CALD1: variants seen among roughly 807,000 people sequenced by gnomAD.
CALD1 encodes the protein caldesmon.
Under a neutral mutation model 99.9 loss-of-function variants are expected in CALD1, and 33 were observed. The ratio of observed to expected loss-of-function variants is 0.33; its 90% confidence interval spans 0.25 to 0.44. CALD1 has a LOEUF of 0.44. Ranked by LOEUF, CALD1 falls within the 20% of genes least tolerant of loss-of-function variation. The pLI, the probability that CALD1 is intolerant of heterozygous loss-of-function variation, is 1.00. For synonymous variants in CALD1, 310 were observed against 325.0 expected (o/e 0.95, Z 0.50); for missense variants, 861 against 962.1 (o/e 0.89, Z 1.39).
At chr7:134,913,863 A>C (rs1804006287) in intron 3 of CALD1, among the ~76,000 whole-genome samples, 1 of 152,200 alleles carries the variant, frequency 6.6e-6, no homozygotes, top group South Asian at 2.1e-4. Context: ...TGCAGGTCAT[A>C]GTTTGCCAAT....
At chr7:134,854,251 T>C (rs539150176) in intron 2 of CALD1, among the ~76,000 whole-genome samples, 7 of 152,308 alleles carry the variant, frequency 4.6e-5, no homozygotes, top group Non-Finnish European at 1.0e-4. Context: ...CTGGGTCAAA[T>C]GGTATTTCTA....
At chr7:134,911,135 G>T (rs766735541) in intron 3 of CALD1, among the ~76,000 whole-genome samples, 1 of 151,712 alleles carries the variant, frequency 6.6e-6, no homozygotes, top group Non-Finnish European at 1.5e-5. Flanking sequence ...GCCACTCCTC[G>T]GTTGGTTTAA....
At chr7:134,874,572 C>T (rs1312622673) in intron 3 of CALD1, among the ~76,000 whole-genome samples, 1 of 152,224 alleles carries the variant, frequency 6.6e-6, no homozygotes, top group African/African-American at 2.4e-5. Flanking sequence ...ACAAATGGCT[C>T]TCTCACTTTC....
chr7:134,907,390 G>A (rs1247092138), intron 3 of CALD1, among the ~76,000 whole-genome samples: 1 of 151,808 alleles, frequency 6.6e-6, no homozygotes, highest in Non-Finnish European at 1.5e-5. Flanking sequence ...AGAGAGAAGG[G>A]AGGACAGAGC....
chr7:134,944,399 T>G (rs1055749299), intron 7 of CALD1: 1 of 135,096 alleles, frequency 7.4e-6, no homozygotes, highest in African/African-American at 2.7e-5. Context: ...ATATTTTCTG[T>G]TTTTTTTTTT....
In CALD1 at chr7:134,947,530, G is replaced by C. The variant is rs569578471; in HGVS notation, c.1555G>C (p.Val519Leu). The stretch of plus-strand genomic sequence containing the variant: ...CAGCCGCCCTGGAGGGAGGGCCAGC[G>C]TGGACACCAAGGAGGCTGAGGGCGC... ...TFSRPGGRAS[V>L]DTKEAEGAPQ... is the part of the protein sequence containing the mutation. Residue 519 changes from valine to leucine, a missense_variant, in exon 8 of 15, where the codon GTG becomes CTG. By Grantham distance (32) the Val-to-Leu change is conservative (BLOSUM62 1). This residue lies in a region of CALD1 where 293 missense variants were observed against 262.7 expected (regional missense o/e 1.12). Coordinates refer to ENST00000361675, the MANE Select transcript of CALD1 (RefSeq NM_033138.4). 1 of 1,568,676 alleles carries C rather than the reference G, an allele frequency of 6.4e-7. No individual in the cohort carries two copies. The highest frequency in any genetic ancestry group is 1.2e-5 in the South Asian group (1 of 85,110).
chr7:134,757,287 G>A (rs543657998), intron 1 of CALD1, among the ~76,000 whole-genome samples: 2 of 152,050 alleles, frequency 1.3e-5, no homozygotes, highest in East Asian at 3.9e-4. Context: ...TGTGAATGAC[G>A]ACCCCTGGAG....
intron 3 of CALD1, among the ~76,000 whole-genome samples, chr7:134,882,402 TGCTTATTTAGTTGCATTGTGGAG>T (rs1297770115): frequency 6.6e-6 from 1 of 152,246 alleles, no homozygotes; most frequent in Middle Eastern, 3.2e-3. Flanking sequence ...TGACCACTTA[TGCTTATTTAGTTGCATTGTGGAG>T]GCAAATGATA....
chr7:134,945,774 T>C (rs1442267416), intron 7 of CALD1, among the ~76,000 whole-genome samples: 1 of 152,160 alleles, frequency 6.6e-6, no homozygotes, highest in African/African-American at 2.4e-5. Flanking sequence ...GCATAGAAAA[T>C]TCACAAATTG....
At chr7:134,901,266 A>T (rs554229727) in intron 3 of CALD1, among the ~76,000 whole-genome samples, 1 of 151,992 alleles carries the variant, frequency 6.6e-6, no homozygotes, top group South Asian at 2.1e-4. Flanking sequence ...ATCCAGATAA[A>T]CTTGAATCCA....
chr7:134,869,511 G>A (rs566790217), intron 3 of CALD1, among the ~76,000 whole-genome samples: 1 of 152,166 alleles, frequency 6.6e-6, no homozygotes, highest in African/African-American at 2.4e-5. Flanking sequence ...AAATATGAGA[G>A]TCTTTACAGA....
intron 4 of CALD1, among the ~76,000 whole-genome samples, chr7:134,930,395 T>G (rs189007764): frequency 6.6e-6 from 1 of 152,322 alleles, no homozygotes; most frequent in Admixed American, 6.5e-5. Context: ...ATGGACTGAT[T>G]ATAATGGTTA....
chr7:134,757,604 G>A (rs1173811134), intron 1 of CALD1, among the ~76,000 whole-genome samples: 1 of 152,166 alleles, frequency 6.6e-6, no homozygotes, highest in Non-Finnish European at 1.5e-5. Flanking sequence ...ATGGAGGCCA[G>A]GTGCAGTGGC....
At chr7:134,957,732 T>G (rs1384585791) in intron 9 of CALD1, among the ~76,000 whole-genome samples, 2 of 152,202 alleles carry the variant, frequency 1.3e-5, no homozygotes. Context: ...ATTATGTTAG[T>G]CTTAAACTTT....
chr7:134,900,248 T>C (rs1204042699), intron 3 of CALD1, among the ~76,000 whole-genome samples: 4 of 152,150 alleles, frequency 2.6e-5, no homozygotes, highest in Non-Finnish European at 5.9e-5. Flanking sequence ...AGTTTTTGTA[T>C]ACCTAGCTTT....
At chr7:134,739,316 T>G (rs2131531085), upstream of CALD1, among the ~76,000 whole-genome samples, 3 of 152,322 alleles carry the variant, frequency 2.0e-5, no homozygotes, top group Middle Eastern at 0.01. Context: ...TATCCAAGGT[T>G]ACATTTACCC....
intron 2 of CALD1, among the ~76,000 whole-genome samples, chr7:134,862,598 G>C (rs1008126262): frequency 6.6e-5 from 10 of 152,168 alleles, no homozygotes; most frequent in African/African-American, 2.2e-4. Context: ...AGTGGAGCAG[G>C]TGGGGTTTTT....
intron 1 of CALD1, among the ~76,000 whole-genome samples, chr7:134,835,011 A>G (rs188378859): frequency 1.3e-5 from 2 of 152,298 alleles, no homozygotes; most frequent in African/African-American, 4.8e-5. Flanking sequence ...AGTGAGTGTG[A>G]TATTTTACCA....
chr7:134,795,245 G>A (rs924616593), intron 1 of CALD1, among the ~76,000 whole-genome samples: 1 of 152,136 alleles, frequency 6.6e-6, no homozygotes, highest in Non-Finnish European at 1.5e-5. Context: ...CGTGTGGTAG[G>A]AGGGATCCAG....
Sources: allele counts gnomAD v4.1 joint callset (sites outside exome capture counted in the v4.1 genomes callset), GRCh38; gene constraint gnomAD v4.1.1; regional missense constraint gnomAD v4.1.1; transcripts MANE v1.5; gene names NCBI Gene and HGNC (gene_info 2026-07-23, HGNC 2026-07-21).